ME1: variants seen among roughly 807,000 people sequenced by gnomAD.
ME1 encodes the protein malic enzyme 1.
Under a neutral mutation model 66.4 loss-of-function variants are expected in ME1, and 74 were observed. That is an observed-to-expected ratio of 1.11 (90% CI 0.92 to 1.35). The LOEUF is 1.35. ME1 is among the 40% of genes most tolerant of loss of function. The probability of loss-of-function intolerance (pLI) is 0.00; values close to 1 mark genes in which losing one functional copy is unlikely to be tolerated. For synonymous variants in ME1, 251 were observed against 235.6 expected (o/e 1.07, Z -0.60); for missense variants, 750 against 694.1 (o/e 1.08, Z -0.90).
chr6:83,360,797 T>C (rs7740960), intron 3 of ME1, among the ~76,000 whole-genome samples: 38,590 of 152,168 alleles, frequency 0.25, 5,582 homozygotes, highest in Middle Eastern at 0.46. Context: ...AGTAGATTAT[T>C]GTAAGCTTAA....
intron 9 of ME1, 104 bp from the exon 10 acceptor site, chr6:83,229,035 A>T (rs1790251299): frequency 1.4e-6 from 1 of 726,526 alleles, no homozygotes; most frequent in Middle Eastern, 2.6e-4. Context: ...ATTTTTATGT[A>T]TGATGTGTTA....
At chr6:83,401,525 T>C (rs1583418718) in intron 2 of ME1, among the ~76,000 whole-genome samples, 5 of 151,878 alleles carry the variant, frequency 3.3e-5, no homozygotes, top group Admixed American at 2.0e-4. Flanking sequence ...AGGAAAAGAA[T>C]ATAAAGTAAG....
intron 6 of ME1, among the ~76,000 whole-genome samples, chr6:83,277,936 A>G (rs1170465): frequency 8.7e-5 from 13 of 149,886 alleles, no homozygotes; most frequent in African/African-American, 3.2e-4. Context: ...AATATTTGGA[A>G]TTCAACACAG....
chr6:83,360,016 T>C (rs1768978701), intron 3 of ME1, among the ~76,000 whole-genome samples: 1 of 152,224 alleles, frequency 6.6e-6, no homozygotes, highest in Non-Finnish European at 1.5e-5. Context: ...GAAGTGAAAC[T>C]GATAGGAAAC....
At position 83,250,845 on chromosome 6, in the gene ME1, T is replaced by C. The variant is rs146794306; in HGVS notation, c.814+2784A>G. Among the ~76,000 whole-genome samples, 493 of 152,342 alleles carry C rather than the reference T, an allele frequency of 3.2e-3. 1 individual carries two copies. The highest frequency in any genetic ancestry group is 0.011 in the African/African-American group (450 of 41,590). ...ACCAAAGGTTGGCAAACTCTTTTCA[T>C]AGAAGGCAATATAGTAAATATTTTA... is the stretch of plus-strand genomic sequence containing the variant. On this transcript the variant is annotated intron_variant, in intron 7 of 13. Coordinates refer to ENST00000369705, the MANE Select transcript of ME1 (RefSeq NM_002395.6).
intron 13 of ME1, among the ~76,000 whole-genome samples, chr6:83,212,860 T>A (rs1789920198): frequency 6.6e-6 from 1 of 152,132 alleles, no homozygotes; most frequent in Admixed American, 6.6e-5. Flanking sequence ...CACATCATCA[T>A]ATCACATCAT....
chr6:83,304,000 T>C (rs974760532), intron 6 of ME1, among the ~76,000 whole-genome samples: 24 of 152,214 alleles, frequency 1.6e-4, no homozygotes, highest in African/African-American at 5.8e-4. Context: ...AACTAAATTA[T>C]GGTCCTAGTA....
At chr6:83,242,637 T>C (rs959287817) in intron 7 of ME1, among the ~76,000 whole-genome samples, 2 of 152,126 alleles carry the variant, frequency 1.3e-5, no homozygotes, top group Admixed American at 1.3e-4. Flanking sequence ...GAAATGGAAG[T>C]TGAACACACA....
At chr6:83,303,362 C>A (rs1291108864) in intron 6 of ME1, among the ~76,000 whole-genome samples, 1 of 152,058 alleles carries the variant, frequency 6.6e-6, no homozygotes, top group African/African-American at 2.4e-5. Flanking sequence ...GCTAACTGTA[C>A]AATTAATATG....
chr6:83,303,315 AT>A (rs943016819), intron 6 of ME1, among the ~76,000 whole-genome samples: 2 of 152,158 alleles, frequency 1.3e-5, no homozygotes, highest in Non-Finnish European at 2.9e-5. Context: ...TACCTTTTTT[AT>A]TGTGAAAGTA....
chr6:83,414,095 A>G (rs923263341), intron 1 of ME1, among the ~76,000 whole-genome samples: 1 of 145,620 alleles, frequency 6.9e-6, no homozygotes, highest in African/African-American at 2.6e-5. Context: ...TGGGTGACAG[A>G]GCAAGACCCC....
intron 6 of ME1, among the ~76,000 whole-genome samples, chr6:83,260,430 T>C (rs1766861796): frequency 1.3e-5 from 2 of 152,222 alleles, no homozygotes; most frequent in Non-Finnish European, 1.5e-5. Flanking sequence ...TTTTAAACTT[T>C]TATTTTAGGT....
intron 1 of ME1, among the ~76,000 whole-genome samples, chr6:83,421,185 T>C (rs1400806370): frequency 2.6e-5 from 4 of 152,308 alleles, no homozygotes; most frequent in African/African-American, 9.6e-5. Context: ...TTATAAATTA[T>C]GTATAGAGTT....
chr6:83,351,710 A>G (rs1562487793), intron 4 of ME1, among the ~76,000 whole-genome samples: 1 of 152,230 alleles, frequency 6.6e-6, no homozygotes, highest in Non-Finnish European at 1.5e-5. Flanking sequence ...GAATTAACAG[A>G]CTTTTTTTCT....
Position 83,262,221 on chromosome 6 carries a change from C to T in ME1, c.705-8483G>A, listed in dbSNP as rs78831301. ...GATGAGTATGTGAAAGAGGGAACAT[C>T]ATGGCCTCTGAGCTGAAGGCAGCAT... On this transcript the variant is annotated intron_variant, in intron 6 of 13. Transcript: ENST00000369705. Among the ~76,000 whole-genome samples, 161 of 152,110 alleles carry T rather than the reference C, an allele frequency of 1.1e-3. 2 individuals carry two copies. In the East Asian group the frequency reaches 0.027, roughly 26 times the overall value.
chr6:83,403,586 T>TA (rs1305341918), intron 2 of ME1, among the ~76,000 whole-genome samples: 20 of 152,326 alleles, frequency 1.3e-4, no homozygotes, highest in African/African-American at 4.3e-4. Context: ...GCTGCACCTA[T>TA]AGACTGTCAT....
At chr6:83,297,039 A>T (rs1270787220) in intron 6 of ME1, among the ~76,000 whole-genome samples, 1 of 152,218 alleles carries the variant, frequency 6.6e-6, no homozygotes, top group Non-Finnish European at 1.5e-5. Context: ...TAAACTTCTC[A>T]TTCAACATTT....
At chr6:83,236,157 A>G (rs1790400613) in intron 9 of ME1, among the ~76,000 whole-genome samples, 2 of 152,178 alleles carry the variant, frequency 1.3e-5, no homozygotes, top group African/African-American at 4.8e-5. Context: ...TATACAATAT[A>G]CTAATGTGGC....
chr6:83,427,988 G>C (rs182999606), intron 1 of ME1, among the ~76,000 whole-genome samples: 78 of 151,112 alleles, frequency 5.2e-4, no homozygotes, highest in African/African-American at 1.9e-3. Context: ...CTCCAGCCTG[G>C]GCAACAGAAC....
Sources: gnomAD v4.1 joint callset for allele counts (sites outside exome capture counted in the v4.1 genomes callset) on GRCh38, gnomAD v4.1.1 for gene constraint, MANE v1.5 for transcripts, NCBI Gene and HGNC (gene_info 2026-07-23, HGNC 2026-07-21) for gene names.